Variants in RGS20 observed in about 807,000 individuals in gnomAD.
RGS20 encodes the protein gz-selective GTPase-activating protein.
In RGS20, 30 loss-of-function variants were observed where a neutral mutation model predicts 33.6. The observed-to-expected ratio is 0.89, with a 90% CI of 0.67 to 1.21. RGS20 has a LOEUF of 1.21. Among genes scored for constraint, RGS20 ranks in the 50% most tolerant of loss-of-function variants. RGS20 has a pLI of 0.00. For missense variants in RGS20, 472 were observed against 502.4 expected, an observed-to-expected ratio of 0.94 and a Z score of 0.58; for synonymous variants, 208 against 197.9, an observed-to-expected ratio of 1.05 and a Z score of -0.43.
rs749373666 is a variant in RGS20, at chr8:53,939,542, C to T, written c.511-34C>T. 13 of 1,458,118 alleles carry T rather than the reference C, an allele frequency of 8.9e-6. 1 individual carries two copies. The highest frequency in any genetic ancestry group is 4.4e-5 in the South Asian group (3 of 68,180). The allele number at this position is 1,458,118 out of a possible 1,614,324, so 90.3% of individuals were successfully genotyped here. On this transcript the variant is annotated intron_variant, in intron 2 of 5. Transcript: ENST00000297313. ...TTACGCCTTCATAACGCTGGAACCC[C>T]CTCCCGCCCGCTTTGTTCCTCTCCC... is the stretch of plus-strand genomic sequence containing the variant.
intron 1 of RGS20, among the ~76,000 whole-genome samples, chr8:53,875,750 G>T (rs1236923393): frequency 6.6e-6 from 1 of 152,164 alleles, no homozygotes; most frequent in Non-Finnish European, 1.5e-5. Flanking sequence ...GTTATTAAAA[G>T]AATGGAACAA....
chr8:53,933,084 C>T (rs1396020721), intron 2 of RGS20, among the ~76,000 whole-genome samples: 1 of 152,106 alleles, frequency 6.6e-6, no homozygotes, highest in Non-Finnish European at 1.5e-5. Flanking sequence ...AAAGGACGTC[C>T]ACACAGAAAC....
At chr8:53,884,420 C>T (rs1245903185) in intron 2 of RGS20, among the ~76,000 whole-genome samples, 1 of 151,910 alleles carries the variant, frequency 6.6e-6, no homozygotes, top group Non-Finnish European at 1.5e-5. Flanking sequence ...GATGAACAGC[C>T]AGTTTAAGAG....
At position 53,958,332 on chromosome 8, in the gene RGS20, C is replaced by T. The variant is rs1814934968; in HGVS notation, c.1041C>T (p.His347=). 1.2e-6 allele frequency: 2 copies of T among 1,613,738 alleles called. No individual in the cohort carries two copies. Among genetic ancestry groups the T allele is most frequent in the African/African-American group, 1.3e-5 (1 of 74,894 alleles). Residue 347 remains histidine (H), a synonymous_variant, in exon 6 of 6, where the codon CAC becomes CAT. Coordinates refer to ENST00000297313, the MANE Select transcript of RGS20 (RefSeq NM_170587.4). The stretch of plus-strand genomic sequence containing the variant: ...GAAACATGGTGGAGCCATCCCAACA[C>T]ATATTCGATGATGCTCAACTTCAGA...
At chr8:53,874,237 T>G (rs560705561) in intron 1 of RGS20, among the ~76,000 whole-genome samples, 1 of 152,242 alleles carries the variant, frequency 6.6e-6, no homozygotes, top group Admixed American at 6.5e-5. Context: ...CAAGGATAAC[T>G]GTTTTGAAGG....
chr8:53,958,122 T>TA (rs1191891622), intron 5 of RGS20, 148 bp from the exon 5 acceptor site: 4 of 556,862 alleles, frequency 7.2e-6, no homozygotes, highest in Non-Finnish European at 1.2e-5. Context: ...GGTGACAGAG[T>TA]AAGACTCTGT....
At chr8:53,916,564 T>G (rs1282319042) in intron 2 of RGS20, among the ~76,000 whole-genome samples, 1 of 152,234 alleles carries the variant, frequency 6.6e-6, no homozygotes, top group African/African-American at 2.4e-5. Context: ...GTATGGTTGT[T>G]GGCCTAATTG....
intron 2 of RGS20, among the ~76,000 whole-genome samples, chr8:53,905,610 T>C (rs918212860): frequency 6.6e-6 from 1 of 152,184 alleles, no homozygotes; most frequent in Non-Finnish European, 1.5e-5. Context: ...CTGCTAATAG[T>C]AACAGGGCCT....
chr8:53,923,693 C>T (rs1424608025), intron 2 of RGS20, among the ~76,000 whole-genome samples: 1 of 152,136 alleles, frequency 6.6e-6, no homozygotes, highest in South Asian at 2.1e-4. Context: ...ACGTCCCTCA[C>T]GTAGCCATTC....
At chr8:53,937,558 C>G (rs947007654) in intron 2 of RGS20, among the ~76,000 whole-genome samples, 1 of 152,132 alleles carries the variant, frequency 6.6e-6, no homozygotes, top group Non-Finnish European at 1.5e-5. Context: ...TAAAGAACTT[C>G]TGCACAGCAA....
chr8:53,923,684 C>T (rs1162012119), intron 2 of RGS20, among the ~76,000 whole-genome samples: 1 of 152,160 alleles, frequency 6.6e-6, no homozygotes, highest in South Asian at 2.1e-4. Flanking sequence ...AGAGGGTCTA[C>T]GTCCCTCACG....
chr8:53,892,027 C>T (rs1812723616), intron 2 of RGS20, among the ~76,000 whole-genome samples: 1 of 152,080 alleles, frequency 6.6e-6, no homozygotes, highest in Non-Finnish European at 1.5e-5. Flanking sequence ...TCTCCTAATG[C>T]TATCCCTCCC....
chr8:53,939,557 G>A lies in RGS20; in HGVS notation c.511-19G>A. ...GCTGGAACCCCCTCCCGCCCGCTTT[G>A]TTCCTCTCCCTCTTGCAGCAGATGG... On this transcript the variant is annotated intron_variant, in intron 2 of 5. Coordinates refer to ENST00000297313, the MANE Select transcript of RGS20 (RefSeq NM_170587.4). 1 of 1,511,300 alleles carries A rather than the reference G, an allele frequency of 6.6e-7. No individual in the cohort carries two copies. Among genetic ancestry groups the A allele is most frequent in the Middle Eastern group, 1.8e-4 (1 of 5,684 alleles). 93.6% of individuals were successfully genotyped at this position (1,511,300 alleles called of 1,614,324 possible).
At chr8:53,859,857 T>C (rs765590098) in intron 1 of RGS20, among the ~76,000 whole-genome samples, 23 of 152,182 alleles carry the variant, frequency 1.5e-4, no homozygotes, top group African/African-American at 2.4e-5. Context: ...ATGAGACTTA[T>C]TCACTATCAT....
chr8:53,955,011 G>C (rs532097718), intron 5 of RGS20, among the ~76,000 whole-genome samples: 112 of 151,422 alleles, frequency 7.4e-4, no homozygotes, highest in African/African-American at 2.7e-3. Flanking sequence ...ACTTTTTCCA[G>C]AAAAATGCAC....
At chr8:53,954,013 T>A in intron 4 of RGS20, 63 bp from the exon 4 acceptor site, 1 of 1,091,684 alleles carries the variant, frequency 9.2e-7, no homozygotes, top group Non-Finnish European at 1.4e-6. Context: ...TTCCTAATGA[T>A]GAATTCCAAT....
At chr8:53,913,245 A>G (rs549281312) in intron 2 of RGS20, among the ~76,000 whole-genome samples, 1 of 152,252 alleles carries the variant, frequency 6.6e-6, no homozygotes, top group East Asian at 1.9e-4. Context: ...GATTACAGAC[A>G]TGAGCCACCA....
chr8:53,901,675 A>G (rs912169790), intron 2 of RGS20, among the ~76,000 whole-genome samples: 2 of 152,204 alleles, frequency 1.3e-5, no homozygotes, highest in African/African-American at 4.8e-5. Flanking sequence ...TTTCACTTAT[A>G]TGAGGTACTT....
At chr8:53,954,640 G>A (rs1012896873) in intron 5 of RGS20, among the ~76,000 whole-genome samples, 2 of 151,690 alleles carry the variant, frequency 1.3e-5, no homozygotes, top group African/African-American at 4.8e-5. Context: ...CTCCAGCCTG[G>A]GTGACAACAG....
Sources: gnomAD v4.1 joint callset for allele counts (sites outside exome capture counted in the v4.1 genomes callset) on GRCh38, gnomAD v4.1.1 for gene constraint, MANE v1.5 for transcripts, NCBI Gene and HGNC (gene_info 2026-07-23, HGNC 2026-07-21) for gene names.